EIF2B3: variants seen among roughly 807,000 people sequenced by gnomAD.
The protein encoded by EIF2B3 is eukaryotic translation initiation factor 2B subunit gamma.
EIF2B3 carries 20 observed loss-of-function variants against 54.1 expected under a neutral mutation model. The observed-to-expected ratio is 0.37, with a 90% CI of 0.26 to 0.54. EIF2B3 has a LOEUF of 0.54. EIF2B3 is among the 20% of genes least tolerant of loss of function. The probability of loss-of-function intolerance (pLI) is 0.86; values close to 1 mark genes in which losing one functional copy is unlikely to be tolerated. For synonymous variants in EIF2B3, 153 were observed against 188.1 expected, an observed-to-expected ratio of 0.81 and a Z score of 1.52; for missense variants, 448 against 547.8, an observed-to-expected ratio of 0.82 and a Z score of 1.82.
chr1:44,877,147 A>T (rs1197885764), intron 8 of EIF2B3, among the ~76,000 whole-genome samples: 7 of 136,740 alleles, frequency 5.1e-5, no homozygotes, highest in Admixed American at 3.2e-4. Flanking sequence ...TTGTCCTATG[A>T]CCCTGCCAAA....
chr1:44,856,152 C>T (rs1654426686), intron 11 of EIF2B3, among the ~76,000 whole-genome samples: 1 of 152,024 alleles, frequency 6.6e-6, no homozygotes, highest in Admixed American at 6.6e-5. Flanking sequence ...AGTGCATATA[C>T]CTGTCATTTA....
intron 3 of EIF2B3, among the ~76,000 whole-genome samples, chr1:44,972,018 C>A (rs1644403613): frequency 6.6e-6 from 1 of 151,476 alleles, no homozygotes; most frequent in Non-Finnish European, 1.5e-5. Context: ...GGCAACAGAG[C>A]AAGACTCCTT....
At chr1:44,971,967 G>C (rs1035921171) in intron 3 of EIF2B3, among the ~76,000 whole-genome samples, 1 of 151,912 alleles carries the variant, frequency 6.6e-6, no homozygotes, top group Non-Finnish European at 1.5e-5. Flanking sequence ...TGGGAGGAAA[G>C]GTTGCAGTAA....
At chr1:44,980,985 T>A in intron 2 of EIF2B3, 36 bp downstream of exon 2, 1 of 1,613,266 alleles carries the variant, frequency 6.2e-7, no homozygotes, top group Non-Finnish European at 8.5e-7. Context: ...CTCCTAAAAG[T>A]TTTATGAGTT....
intron 3 of EIF2B3, among the ~76,000 whole-genome samples, chr1:44,966,227 C>T (rs942319488): frequency 2.6e-5 from 4 of 151,974 alleles, no homozygotes; most frequent in African/African-American, 4.8e-5. Flanking sequence ...ATCACAAGGT[C>T]AAGAGATCGA....
At chr1:44,883,760 G>A (rs1016685233) in intron 6 of EIF2B3, among the ~76,000 whole-genome samples, 7 of 152,242 alleles carry the variant, frequency 4.6e-5, no homozygotes, top group African/African-American at 7.2e-5. Flanking sequence ...TTGATAAATC[G>A]TCTCTATCTC....
At chr1:44,858,303 G>C (rs911541450) in intron 10 of EIF2B3, among the ~76,000 whole-genome samples, 2 of 151,816 alleles carry the variant, frequency 1.3e-5, no homozygotes, top group Non-Finnish European at 2.9e-5. Context: ...CTTTGGTCTG[G>C]GGCTGGTCCT....
intron 5 of EIF2B3, among the ~76,000 whole-genome samples, chr1:44,917,523 C>G (rs1053725749): frequency 6.6e-6 from 1 of 150,682 alleles, no homozygotes; most frequent in Non-Finnish European, 1.5e-5. Flanking sequence ...AAAAAATCTT[C>G]AGATTTTACT....
At chr1:44,852,763 G>A (rs1573673995) in intron 11 of EIF2B3, among the ~76,000 whole-genome samples, 2 of 141,728 alleles carry the variant, frequency 1.4e-5, no homozygotes. Flanking sequence ...TGGGCAACAA[G>A]AGTGAAACTC....
chr1:44,952,556 A>AAT (rs1644177425), intron 3 of EIF2B3, among the ~76,000 whole-genome samples: 1 of 141,508 alleles, frequency 7.1e-6, no homozygotes, highest in Non-Finnish European at 1.5e-5. Flanking sequence ...CTTTTCTCCA[A>AAT]TTTTTTTTTT....
At chr1:44,888,404 G>T (rs1265847462) in intron 6 of EIF2B3, among the ~76,000 whole-genome samples, 1 of 151,842 alleles carries the variant, frequency 6.6e-6, no homozygotes, top group Non-Finnish European at 1.5e-5. Flanking sequence ...TCAGGGAAGG[G>T]GAACCCAGAA....
intron 6 of EIF2B3, among the ~76,000 whole-genome samples, chr1:44,882,737 C>A (rs1569608735): frequency 6.6e-6 from 1 of 151,930 alleles, no homozygotes; most frequent in South Asian, 2.1e-4. Flanking sequence ...GCTCCAGCCT[C>A]CCAAGTAGCT....
At position 44,900,141 on chromosome 1, in the gene EIF2B3, A is replaced by G. The variant is rs973387127; in HGVS notation, c.567-2697T>C. ...AGTGGGAGCTAAACACTGAATACAC[A>G]TGGACATTAAGATGGGAACAAAAGT... On this transcript the variant is annotated intron_variant, in intron 5 of 11. Transcript: ENST00000360403. 7.2e-5 allele frequency among the ~76,000 whole-genome samples: 11 copies of G among 152,248 alleles called. No individual in the cohort carries two copies. In the East Asian group the frequency reaches 2.1e-3, roughly 29 times the overall value.
chr1:44,949,758 C>T (rs1199391028), intron 3 of EIF2B3, among the ~76,000 whole-genome samples: 1 of 152,154 alleles, frequency 6.6e-6, no homozygotes, highest in East Asian at 1.9e-4. Flanking sequence ...TGATGATATG[C>T]TTGCTAGATT....
At chr1:44,977,779 C>A (rs951263559) in intron 3 of EIF2B3, among the ~76,000 whole-genome samples, 1 of 151,784 alleles carries the variant, frequency 6.6e-6, no homozygotes, top group African/African-American at 2.4e-5. Flanking sequence ...TCTTTTTTTT[C>A]TTTTTTAATA....
intron 6 of EIF2B3, among the ~76,000 whole-genome samples, chr1:44,895,598 T>A (rs1655944271): frequency 6.6e-6 from 1 of 152,114 alleles, no homozygotes; most frequent in African/African-American, 2.4e-5. Flanking sequence ...GAAGCGTCCT[T>A]ATATTTTAAC....
At chr1:44,924,392 T>C (rs1259602386) in intron 5 of EIF2B3, among the ~76,000 whole-genome samples, 1 of 152,080 alleles carries the variant, frequency 6.6e-6, no homozygotes, top group African/African-American at 2.4e-5. Flanking sequence ...TTAATCCTTT[T>C]TTTGTTTGTT....
At chr1:44,955,754 G>GA in intron 3 of EIF2B3, among the ~76,000 whole-genome samples, 1 of 151,978 alleles carries the variant, frequency 6.6e-6, no homozygotes, top group Non-Finnish European at 1.5e-5. Context: ...AGAAACATAT[G>GA]AAAAAAAGCT....
chr1:44,856,349 T>C lies in EIF2B3; in HGVS notation c.1306+1355A>G, dbSNP rs573923080. Reference sequence around the variant, plus strand: ...GGGTGACATTGCAAAACCCTGTCTCTACTAAAAACACAAAAATTAGCCAAG... The same window carrying C: ...GGGTGACATTGCAAAACCCTGTCTCCACTAAAAACACAAAAATTAGCCAAG... On this transcript the variant is annotated intron_variant, in intron 11 of 11. Transcript: ENST00000360403. Among the ~76,000 whole-genome samples, 10 of 151,844 alleles carry C rather than the reference T, an allele frequency of 6.6e-5. No homozygotes were observed. In the East Asian group the frequency reaches 1.9e-3, roughly 30 times the overall value.
Sources: gnomAD v4.1 joint callset for allele counts (sites outside exome capture counted in the v4.1 genomes callset) on GRCh38, gnomAD v4.1.1 for gene constraint, MANE v1.5 for transcripts, NCBI Gene and HGNC (gene_info 2026-07-23, HGNC 2026-07-21) for gene names.